AGBL1: variants seen among roughly 807,000 people sequenced by gnomAD.
The protein encoded by AGBL1 is AGBL carboxypeptidase 1, also known as cytosolic carboxypeptidase 4.
A neutral mutation model predicts 118.9 loss-of-function variants in AGBL1; 130 were observed. The ratio of observed to expected loss-of-function variants is 1.09; its 90% CI spans 0.95 to 1.26. The LOEUF is 1.26. Among genes scored for constraint, AGBL1 ranks in the 50% most tolerant of loss-of-function variants. The pLI, the probability that AGBL1 is intolerant of heterozygous loss-of-function variation, is 0.00. For missense variants in AGBL1, 1,584 were observed against 1,298.1 expected (o/e 1.22, Z -3.38); for synonymous variants, 555 against 478.9 (o/e 1.16, Z -2.08).
chr15:86,216,707 C>A (rs1195006189), intron 5 of AGBL1, among the ~76,000 whole-genome samples: 2 of 152,104 alleles, frequency 1.3e-5, no homozygotes, highest in Non-Finnish European at 2.9e-5. Flanking sequence ...CTCTTGTCTT[C>A]CTAGTCCTTT....
intron 17 of AGBL1, among the ~76,000 whole-genome samples, chr15:86,387,152 T>G (rs2081209948): frequency 6.6e-6 from 1 of 152,088 alleles, no homozygotes; most frequent in African/African-American, 2.4e-5. Flanking sequence ...TACATCTATG[T>G]AACAGGCGAA....
chr15:86,322,361 A>G (rs1041664543), intron 17 of AGBL1, among the ~76,000 whole-genome samples: 6 of 151,988 alleles, frequency 3.9e-5, no homozygotes, highest in Non-Finnish European at 5.9e-5. Flanking sequence ...GAATTATTAT[A>G]CTGTATTTTT....
At chr15:86,355,399 T>C (rs960478034) in intron 17 of AGBL1, among the ~76,000 whole-genome samples, 3 of 152,132 alleles carry the variant, frequency 2.0e-5, no homozygotes, top group Non-Finnish European at 4.4e-5. Flanking sequence ...CCACCAAGGA[T>C]TGGTCTGGAA....
At chr15:86,574,305 C>A (rs1298929148) in intron 21 of AGBL1, among the ~76,000 whole-genome samples, 1 of 152,182 alleles carries the variant, frequency 6.6e-6, no homozygotes, top group Non-Finnish European at 1.5e-5. Context: ...CTGGTCCCTT[C>A]TGCAGCCACT....
At chr15:86,253,149 G>T (rs940306297) in intron 7 of AGBL1, among the ~76,000 whole-genome samples, 1 of 152,194 alleles carries the variant, frequency 6.6e-6, no homozygotes, top group South Asian at 2.1e-4. Flanking sequence ...TTGTGAGTAA[G>T]GGTGGAGGCA....
intron 1 of AGBL1, among the ~76,000 whole-genome samples, chr15:86,097,308 A>G (rs1896440891): frequency 6.6e-6 from 1 of 152,152 alleles, no homozygotes. Context: ...TTGTTTCTGT[A>G]TGTTGAGAAC....
chr15:86,118,491 T>G (rs28668228), intron 1 of AGBL1, among the ~76,000 whole-genome samples: 1 of 151,262 alleles, frequency 6.6e-6, no homozygotes, highest in East Asian at 1.9e-4. Context: ...AAAAAGGCAA[T>G]GAGAAGTTGC....
At chr15:87,022,034 A>G (rs2081669899) in intron 24 of AGBL1, among the ~76,000 whole-genome samples, 2 of 152,260 alleles carry the variant, frequency 1.3e-5, no homozygotes, top group Middle Eastern at 3.4e-3. Context: ...GGCTAGATCC[A>G]GAAGAAAGAT....
chr15:86,898,494 T>A (rs930502684), intron 22 of AGBL1, among the ~76,000 whole-genome samples: 1 of 152,176 alleles, frequency 6.6e-6, no homozygotes, highest in Non-Finnish European at 1.5e-5. Flanking sequence ...TTGCCCACTT[T>A]GTCAAAGATC....
At chr15:86,246,510 G>T (rs1173244079) in intron 6 of AGBL1, among the ~76,000 whole-genome samples, 1 of 152,174 alleles carries the variant, frequency 6.6e-6, no homozygotes, top group Non-Finnish European at 1.5e-5. Flanking sequence ...TGAAGAGCAG[G>T]TCCTATTCAC....
intron 22 of AGBL1, among the ~76,000 whole-genome samples, chr15:86,692,056 T>C (rs2086181408): frequency 1.3e-5 from 2 of 152,002 alleles, no homozygotes; most frequent in Admixed American, 1.3e-4. Flanking sequence ...CACTGCTGGA[T>C]GAGGTAAGGG....
chr15:86,696,226 G>C (rs764589304), intron 22 of AGBL1, among the ~76,000 whole-genome samples: 1 of 151,850 alleles, frequency 6.6e-6, no homozygotes, highest in East Asian at 1.9e-4. Context: ...TCATTTCTTA[G>C]GTCTAGTAGT....
chr15:87,015,939 T>A (rs1160960450), intron 24 of AGBL1, among the ~76,000 whole-genome samples: 1 of 152,162 alleles, frequency 6.6e-6, no homozygotes, highest in Non-Finnish European at 1.5e-5. Flanking sequence ...GTTTACTGTG[T>A]CCTAGGTGAT....
chr15:86,568,728 C>T (rs1363493393), intron 21 of AGBL1, among the ~76,000 whole-genome samples: 1 of 152,064 alleles, frequency 6.6e-6, no homozygotes, highest in Admixed American at 6.5e-5. Flanking sequence ...GCATTTTAAC[C>T]AGATCTCCAG....
chr15:86,971,599 G>A (rs898541496), intron 23 of AGBL1, among the ~76,000 whole-genome samples: 2 of 151,976 alleles, frequency 1.3e-5, no homozygotes, highest in African/African-American at 4.8e-5. Flanking sequence ...TGCTATTCTA[G>A]CATCTAATAT....
At chr15:86,875,244 T>C (rs1412188084) in intron 22 of AGBL1, among the ~76,000 whole-genome samples, 4 of 152,160 alleles carry the variant, frequency 2.6e-5, no homozygotes, top group Admixed American at 2.6e-4. Flanking sequence ...CACTTCATCA[T>C]GCTCTGCCAC....
At chr15:86,380,306 A>C (rs2081095880) in intron 17 of AGBL1, among the ~76,000 whole-genome samples, 1 of 128,510 alleles carries the variant, frequency 7.8e-6, no homozygotes, top group Admixed American at 8.9e-5. Context: ...TCTTTTTGAG[A>C]CAGAGTCCCA....
Position 86,670,676 on chromosome 15 carries a change from T to A in AGBL1, c.2995-3597T>A, listed in dbSNP as rs928728045. 2.2e-4 allele frequency among the ~76,000 whole-genome samples: 32 copies of A among 148,326 alleles called. 1 individual carries two copies. The highest frequency in any genetic ancestry group is 4.3e-4 in the Non-Finnish European group (29 of 67,310). ...TATATATATATATAGCAAACTTATA[T>A]AGTAAGAATAGTACATATATATTAC... On this transcript the variant is annotated intron_variant, in intron 21 of 22. Transcript: ENST00000614907.
At chr15:86,492,973 G>T (rs1000035341) in intron 18 of AGBL1, among the ~76,000 whole-genome samples, 8 of 152,124 alleles carry the variant, frequency 5.3e-5, no homozygotes, top group Non-Finnish European at 4.4e-5. Context: ...CAGATCACGA[G>T]GTCAAGAGAT....
Sources: allele counts gnomAD v4.1 joint callset (sites outside exome capture counted in the v4.1 genomes callset), GRCh38; gene constraint gnomAD v4.1.1; transcripts MANE v1.5; gene names NCBI Gene and HGNC (gene_info 2026-07-23, HGNC 2026-07-21).